The following IRGM variants were observed in gnomAD, a reference collection of about 807,000 sequenced individuals.
The protein encoded by IRGM is immunity-related GTPase family M protein.
For synonymous variants in IRGM, 98 were observed against 80.6 expected, an observed-to-expected ratio of 1.22 and a Z score of -1.16; for missense variants, 288 against 219.9, an observed-to-expected ratio of 1.31 and a Z score of -1.96.
chr5:150,861,190 G>A (rs1344661380), intron 1 of IRGM, among the ~76,000 whole-genome samples: 1 of 152,174 alleles, frequency 6.6e-6, no homozygotes, highest in Non-Finnish European at 1.5e-5. Context: ...GTGTACGATG[G>A]TGGCAGTTGG....
intron 1 of IRGM, among the ~76,000 whole-genome samples, chr5:150,861,573 G>A (rs1057288427): frequency 3.9e-5 from 6 of 152,192 alleles, no homozygotes; most frequent in African/African-American, 1.4e-4. Context: ...AAATGGGCAT[G>A]TTTGTTCTTG....
At chr5:150,848,808 GTTC>G, downstream of IRGM, 1 of 653,448 alleles carries the variant, frequency 1.5e-6, no homozygotes, top group South Asian at 2.1e-5. Context: ...TGGTTGTGTT[GTTC>G]TTTGAGATCT....
chr5:150,877,275 G>C (rs1754378667), intron 1 of IRGM, among the ~76,000 whole-genome samples: 1 of 152,236 alleles, frequency 6.6e-6, no homozygotes, highest in South Asian at 2.1e-4. Context: ...CAGTGGACTG[G>C]GAAAGGCAGA....
chr5:150,873,504 C>G (rs1469480622), intron 1 of IRGM, among the ~76,000 whole-genome samples: 1 of 152,120 alleles, frequency 6.6e-6, no homozygotes, highest in Non-Finnish European at 1.5e-5. Context: ...AATGATCAGA[C>G]ATTTTGAGGA....
chr5:150,869,409 A>G (rs1359904661), intron 1 of IRGM, among the ~76,000 whole-genome samples: 2 of 152,042 alleles, frequency 1.3e-5, no homozygotes, highest in Non-Finnish European at 2.9e-5. Context: ...TTTTGTATCT[A>G]TGTTCATCGG....
intron 1 of IRGM, among the ~76,000 whole-genome samples, chr5:150,872,930 C>T (rs1481853018): frequency 2.0e-5 from 3 of 152,216 alleles, no homozygotes; most frequent in Non-Finnish European, 4.4e-5. Flanking sequence ...TTCGTGAGGG[C>T]AGCATCTGCA....
chr5:150,886,606 T>C (rs1245369796), intron 3 of IRGM, among the ~76,000 whole-genome samples: 4 of 151,926 alleles, frequency 2.6e-5, no homozygotes, highest in African/African-American at 9.7e-5. Context: ...AGGAAATCAA[T>C]TTTTTCCTGG....
chr5:150,847,731 C>A lies in IRGM; in HGVS notation c.-393C>A. ...CAGCTTACTCCAGTGCCCACAGATA[C>A]GACAGAGTGTCCCAAGTGCCCCTCA... On this transcript the variant is annotated 5_prime_UTR_variant, in exon 2 of 2. Coordinates refer to ENST00000522154, the MANE Select transcript of IRGM (RefSeq NM_001145805.2). The A allele has an allele frequency of 5.1e-6, 1 of 195,056 alleles. No homozygotes were observed. The highest frequency in any genetic ancestry group is 1.1e-5 in the Non-Finnish European group (1 of 93,176). 12.1% of individuals were successfully genotyped at this position (195,056 alleles called of 1,614,324 possible).
chr5:150,858,004 C>G (rs1372426274), intron 1 of IRGM, among the ~76,000 whole-genome samples: 3 of 152,056 alleles, frequency 2.0e-5, no homozygotes, highest in African/African-American at 7.3e-5. Flanking sequence ...CTTGCCCATG[C>G]CTATGTCCTG....
In IRGM at chr5:150,848,688, A is replaced by G. The variant is rs918255307; in HGVS notation, c.*19A>G. The G allele has an allele frequency of 6.8e-7, 1 of 1,462,260 alleles. No homozygotes were observed. The highest frequency in any genetic ancestry group is 2.2e-5 in the Admixed American group (1 of 44,728). The allele number at this position is 1,462,260 out of a possible 1,614,324, so 90.6% of individuals were successfully genotyped here. A position where few individuals can be genotyped will look rare whatever the true frequency, so the allele number is the denominator to read the frequency against. On this transcript the variant is annotated 3_prime_UTR_variant, in exon 2 of 2. Transcript: ENST00000522154. ...ATACTAATTCCTGTCTTCATTAAAC[A>G]TTTTCCATCTCCTCCTATTGATTCC...
At chr5:150,860,924 A>G (rs1459518910) in intron 1 of IRGM, among the ~76,000 whole-genome samples, 1 of 152,124 alleles carries the variant, frequency 6.6e-6, no homozygotes, top group African/African-American at 2.4e-5. Flanking sequence ...GGTATTGTAT[A>G]GTTTAAATTT....
chr5:150,883,497 C>A (rs950936033), intron 3 of IRGM, among the ~76,000 whole-genome samples: 124 of 151,436 alleles, frequency 8.2e-4, no homozygotes, highest in African/African-American at 2.8e-3. Flanking sequence ...AATTGACAAA[C>A]CCTTAGCTAG....
intron 3 of IRGM, among the ~76,000 whole-genome samples, chr5:150,892,886 G>A (rs775831429): frequency 3.9e-5 from 6 of 151,916 alleles, no homozygotes; most frequent in Admixed American, 6.6e-5. Context: ...TGGGGATTAC[G>A]GACATGAGCC....
chr5:150,873,122 G>A (rs185819991), intron 1 of IRGM, among the ~76,000 whole-genome samples: 86 of 152,332 alleles, frequency 5.6e-4, no homozygotes, highest in African/African-American at 2.1e-3. Flanking sequence ...GGACAGCAGA[G>A]GCAAAGCAGC....
chr5:150,887,629 A>G (rs1173662477), intron 3 of IRGM, among the ~76,000 whole-genome samples: 1 of 150,708 alleles, frequency 6.6e-6, no homozygotes, highest in Non-Finnish European at 1.5e-5. Flanking sequence ...ACCAAGACCC[A>G]TAATTGTCAG....
At chr5:150,876,993 C>G (rs1413432738) in intron 1 of IRGM, among the ~76,000 whole-genome samples, 1 of 151,980 alleles carries the variant, frequency 6.6e-6, no homozygotes, top group African/African-American at 2.4e-5. Flanking sequence ...AGCATTTAAG[C>G]GTTGTTAATT....
chr5:150,892,848 T>G (rs1319264080), intron 3 of IRGM, among the ~76,000 whole-genome samples: 1 of 152,054 alleles, frequency 6.6e-6, no homozygotes, highest in Non-Finnish European at 1.5e-5. Flanking sequence ...GGGGTCAAGG[T>G]GTCCTCCCAC....
At chr5:150,852,736 A>G (rs1004681713), downstream of IRGM, among the ~76,000 whole-genome samples, 2 of 152,184 alleles carry the variant, frequency 1.3e-5, no homozygotes, top group East Asian at 1.9e-4. Flanking sequence ...AACTAATCTC[A>G]ACAAGAATGT....
At chr5:150,886,605 A>T (rs1342739007) in intron 3 of IRGM, among the ~76,000 whole-genome samples, 1 of 151,768 alleles carries the variant, frequency 6.6e-6, no homozygotes, top group Non-Finnish European at 1.5e-5. Flanking sequence ...CAGGAAATCA[A>T]TTTTTTCCTG....
Sources: allele counts gnomAD v4.1 joint callset (sites outside exome capture counted in the v4.1 genomes callset), GRCh38; gene constraint gnomAD v4.1.1; transcripts MANE v1.5; gene names NCBI Gene and HGNC (gene_info 2026-07-23, HGNC 2026-07-21).